Variants in EYS observed in about 807,000 individuals in gnomAD.
EYS encodes the protein EGF-like photoreceptor maintenance factor.
EYS carries 250 observed loss-of-function variants against 282.1 expected under a neutral mutation model. The observed-to-expected ratio is 0.89, with a 90% confidence interval of 0.80 to 0.98. The LOEUF is 0.98. Ranked by LOEUF, EYS falls within the 50% of genes least tolerant of loss-of-function variation. The pLI, the probability that EYS is intolerant of heterozygous loss-of-function variation, is 0.00. For synonymous variants in EYS, 1,355 were observed against 1,282.9 expected (o/e 1.06, Z -1.20); for missense variants, 4,016 against 3,709.0 (o/e 1.08, Z -2.15).
At chr6:64,965,287 C>G (rs1770054768) in intron 14 of EYS, among the ~76,000 whole-genome samples, 1 of 151,846 alleles carries the variant, frequency 6.6e-6, no homozygotes, top group Non-Finnish European at 1.5e-5. Flanking sequence ...CTGAAAATTA[C>G]TATAATGTCC....
In EYS at chr6:64,802,620, C is replaced by T. The variant is rs1764279954; in HGVS notation, c.3443+10758G>A. 3.9e-5 allele frequency among the ~76,000 whole-genome samples: 6 copies of T among 152,110 alleles called. No individual in the cohort carries two copies. In the South Asian group the frequency reaches 1.2e-3, roughly 32 times the overall value. ...TTCATATTTTCACACTACTAATTTA[C>T]CTAAAGTGTTAGTGCAAAATTAAAA... On this transcript the variant is annotated intron_variant, in intron 22 of 42. Coordinates refer to ENST00000503581, the MANE Select transcript of EYS (RefSeq NM_001142800.2).
intron 39 of EYS, among the ~76,000 whole-genome samples, chr6:63,778,524 C>CT (rs1320483765): frequency 2.0e-4 from 30 of 152,046 alleles, no homozygotes; most frequent in African/African-American, 7.0e-4. Context: ...ATAACATTAA[C>CT]TTTTTTCTTG....
intron 16 of EYS, among the ~76,000 whole-genome samples, chr6:64,905,690 C>T (rs957940637): frequency 6.6e-6 from 1 of 152,194 alleles, no homozygotes; most frequent in African/African-American, 2.4e-5. Flanking sequence ...TTTCTCTTTT[C>T]TAACAAATTC....
intron 5 of EYS, among the ~76,000 whole-genome samples, chr6:65,483,715 CTGAT>C (rs1283439148): frequency 6.6e-6 from 1 of 151,994 alleles, no homozygotes; most frequent in Admixed American, 6.6e-5. Context: ...TTTCATGCTG[CTGAT>C]TAAGACATAC....
At chr6:64,504,342 C>G (rs1777146155) in intron 26 of EYS, among the ~76,000 whole-genome samples, 1 of 152,136 alleles carries the variant, frequency 6.6e-6, no homozygotes, top group Admixed American at 6.5e-5. Context: ...GGAAAACTTA[C>G]CAATGACACT....
chr6:63,762,697 T>C, intron 40 of EYS, 64 bp from the exon 41 acceptor site: 3 of 1,414,598 alleles, frequency 2.1e-6, no homozygotes, highest in South Asian at 2.8e-5. Flanking sequence ...ATACTATGTA[T>C]TGCCCTGATG....
rs568627417 is a variant in EYS, at chr6:65,109,573, C to G, written c.2024-51846G>C. Among the ~76,000 whole-genome samples the G allele has an allele frequency of 1.1e-3, 168 of 151,788 alleles. 1 individual carries two copies. The highest frequency in any genetic ancestry group is 1.8e-3 in the Non-Finnish European group (123 of 67,896). ...AGAAGGTAAAGTTTTGAGAGCCCCC[C>G]CTTTGGCTCTTTCCCTTTTAAACAT... On this transcript the variant is annotated intron_variant, in intron 12 of 42. Transcript: ENST00000503581.
At chr6:64,003,903 A>G (rs1180599468) in intron 33 of EYS, among the ~76,000 whole-genome samples, 3 of 152,138 alleles carry the variant, frequency 2.0e-5, no homozygotes, top group Admixed American at 6.5e-5. Flanking sequence ...GAAGAAGGAC[A>G]TGTTTGCTTC....
chr6:64,781,504 GA>G (rs1219322901), intron 22 of EYS, among the ~76,000 whole-genome samples: 7 of 151,174 alleles, frequency 4.6e-5, no homozygotes, highest in Non-Finnish European at 1.0e-4. Flanking sequence ...GTGAACCCAG[GA>G]GGCGGAGTTT....
chr6:64,416,518 C>CTTTTTTTTTT (rs371267333), intron 28 of EYS, among the ~76,000 whole-genome samples: 3 of 139,832 alleles, frequency 2.1e-5, no homozygotes, highest in Admixed American at 7.2e-5. Context: ...GCCGTTAGGT[C>CTTTTTTTTTT]TTTTTTTTTT....
intron 2 of EYS, among the ~76,000 whole-genome samples, chr6:65,556,296 C>A (rs921657534): frequency 2.0e-5 from 3 of 151,924 alleles, no homozygotes; most frequent in African/African-American, 4.8e-5. Flanking sequence ...CATAGAAAGA[C>A]CCCATTTATT....
At chr6:65,321,208 G>T (rs1243322068) in intron 11 of EYS, among the ~76,000 whole-genome samples, 1 of 150,478 alleles carries the variant, frequency 6.6e-6, no homozygotes, top group Non-Finnish European at 1.5e-5. Flanking sequence ...GATTTAAAAT[G>T]GTGGCCAAGA....
At chr6:64,721,704 G>C (rs1297880946) in intron 22 of EYS, among the ~76,000 whole-genome samples, 1 of 152,050 alleles carries the variant, frequency 6.6e-6, no homozygotes, top group African/African-American at 2.4e-5. Context: ...GCCCAAAAGA[G>C]AACTTTAGAG....
intron 30 of EYS, among the ~76,000 whole-genome samples, chr6:64,259,401 T>A: frequency 6.6e-6 from 1 of 152,018 alleles, no homozygotes; most frequent in East Asian, 1.9e-4. Context: ...TTGGAAATTA[T>A]TTCTCTGCCT....
chr6:65,263,324 G>C (rs1289936070), intron 12 of EYS, among the ~76,000 whole-genome samples: 3 of 152,072 alleles, frequency 2.0e-5, no homozygotes, highest in Non-Finnish European at 4.4e-5. Flanking sequence ...CGGGGTGACA[G>C]AGCGAGACCC....
chr6:64,062,662 A>G (rs138093367), intron 33 of EYS, among the ~76,000 whole-genome samples: 43 of 148,306 alleles, frequency 2.9e-4, no homozygotes, highest in African/African-American at 8.5e-4. Flanking sequence ...TTGCACTCCA[A>G]CCTGGGGGAC....
At chr6:65,670,309 A>G (rs1167022280) in intron 1 of EYS, among the ~76,000 whole-genome samples, 1 of 152,084 alleles carries the variant, frequency 6.6e-6, no homozygotes, top group East Asian at 1.9e-4. Flanking sequence ...CTCCTTTTGC[A>G]TGGATGGACC....
intron 13 of EYS, among the ~76,000 whole-genome samples, chr6:65,001,492 G>A (rs72875988): frequency 0.078 from 11,524 of 147,420 alleles, 1,807 homozygotes; most frequent in East Asian, 0.17. Flanking sequence ...TTCAACTTCC[G>A]GTTCACTCTG....
At chr6:65,401,275 T>A (rs1394859198) in intron 7 of EYS, among the ~76,000 whole-genome samples, 1 of 151,566 alleles carries the variant, frequency 6.6e-6, no homozygotes, top group Non-Finnish European at 1.5e-5. Flanking sequence ...ATTAATTTCC[T>A]GTCATTTTTT....
Sources: allele counts gnomAD v4.1 joint callset (sites outside exome capture counted in the v4.1 genomes callset), GRCh38; gene constraint gnomAD v4.1.1; transcripts MANE v1.5; gene names NCBI Gene and HGNC (gene_info 2026-07-23, HGNC 2026-07-21).